KSR2: variants seen among roughly 807,000 people sequenced by gnomAD.
KSR2 encodes kinase suppressor of ras 2.
A neutral mutation model predicts 107.8 loss-of-function variants in KSR2; 25 were observed. That is an observed-to-expected ratio of 0.23 (90% CI 0.17 to 0.32). The LOEUF (loss-of-function observed/expected upper bound fraction) is 0.32. KSR2 is among the 10% of genes least tolerant of loss of function. The probability of loss-of-function intolerance (pLI) is 1.00; values close to 1 mark genes in which losing one functional copy is unlikely to be tolerated. For missense variants in KSR2, 887 were observed against 1,268.9 expected, an observed-to-expected ratio of 0.70 and a Z score of 4.57; for synonymous variants, 480 against 507.0, an observed-to-expected ratio of 0.95 and a Z score of 0.71.
At chr12:117,611,323 T>C (rs977399029) in intron 5 of KSR2, among the ~76,000 whole-genome samples, 1 of 152,102 alleles carries the variant, frequency 6.6e-6, no homozygotes, top group Non-Finnish European at 1.5e-5. Flanking sequence ...AAAGTCACAC[T>C]GGGTGTGGCA....
At chr12:117,483,156 T>C (rs2137138137) in intron 16 of KSR2, among the ~76,000 whole-genome samples, 1 of 152,308 alleles carries the variant, frequency 6.6e-6, no homozygotes, top group Non-Finnish European at 1.5e-5. Context: ...CTGCCTTATC[T>C]TAGGGACTAC....
intron 4 of KSR2, among the ~76,000 whole-genome samples, chr12:117,702,141 C>A (rs576049275): frequency 3.3e-5 from 5 of 152,300 alleles, no homozygotes; most frequent in African/African-American, 1.2e-4. Flanking sequence ...GTCTGCTCCC[C>A]AGTAGTTTCT....
intron 5 of KSR2, among the ~76,000 whole-genome samples, chr12:117,641,088 G>T (rs1387445963): frequency 6.6e-6 from 1 of 151,952 alleles, no homozygotes; most frequent in Non-Finnish European, 1.5e-5. Context: ...AAGCTGTAAG[G>T]TTTTTTTGTT....
chr12:117,832,504 T>A (rs1388353282), intron 3 of KSR2, among the ~76,000 whole-genome samples: 1 of 152,206 alleles, frequency 6.6e-6, no homozygotes, highest in Non-Finnish European at 1.5e-5. Context: ...TGCAAGCTTT[T>A]ATCTGCATCA....
rs1388814468 is a variant in KSR2, at chr12:117,534,976, G to A, written c.1688-3269C>T. On this transcript the variant is annotated intron_variant, in intron 10 of 19. Coordinates refer to ENST00000339824, the MANE Select transcript of KSR2 (RefSeq NM_173598.6). ...CTCGGTTTTTAGCCCAATGAAGCCC[G>A]TTTTGGACATCTGGCCTCTAGAACC... is the stretch of plus-strand genomic sequence containing the variant. 3.3e-5 allele frequency among the ~76,000 whole-genome samples: 5 copies of A among 152,248 alleles called. No homozygotes were observed. In the East Asian group the frequency reaches 5.8e-4, roughly 18 times the overall value.
intron 4 of KSR2, among the ~76,000 whole-genome samples, chr12:117,671,375 A>G (rs1421351556): frequency 6.6e-6 from 1 of 152,224 alleles, no homozygotes; most frequent in Non-Finnish European, 1.5e-5. Context: ...CGGCAGAGAG[A>G]CAGACAGATT....
chr12:117,648,174 A>C (rs1883736129), intron 5 of KSR2, among the ~76,000 whole-genome samples: 1 of 152,208 alleles, frequency 6.6e-6, no homozygotes, highest in Non-Finnish European at 1.5e-5. Flanking sequence ...TATTTTAAAA[A>C]TTTTGAGATT....
At chr12:117,511,724 A>G (rs1328544740) in intron 14 of KSR2, among the ~76,000 whole-genome samples, 4 of 152,222 alleles carry the variant, frequency 2.6e-5, no homozygotes, top group Admixed American at 6.5e-5. Flanking sequence ...GCCCTCTTTC[A>G]TATGAAAAAT....
At chr12:117,587,946 C>T (rs982189849) in intron 5 of KSR2, among the ~76,000 whole-genome samples, 1 of 152,210 alleles carries the variant, frequency 6.6e-6, no homozygotes, top group African/African-American at 2.4e-5. Flanking sequence ...CCTATCCCTG[C>T]ATCAATGCTC....
rs1488641662 is a variant in KSR2, at chr12:117,842,633, G to A, written c.472+12795C>T. 6.6e-6 allele frequency among the ~76,000 whole-genome samples: 1 copy of A among 152,168 alleles called. No homozygotes were observed. Among genetic ancestry groups the A allele is most frequent in the African/African-American group, 2.4e-5 (1 of 41,442 alleles). ...ACCCAATTCTTCTGCCCAGCACCTC[G>A]TGGATGCCAGGAATAAAAAGAGAAA... On this transcript the variant is annotated intron_variant, in intron 3 of 19. Transcript: ENST00000339824. The surrounding 1 kb of genome is among the most constrained non-coding windows in gnomAD (Gnocchi z 4.2).
chr12:117,664,302 G>A (rs371361039), intron 5 of KSR2, among the ~76,000 whole-genome samples: 24 of 152,256 alleles, frequency 1.6e-4, no homozygotes, highest in Non-Finnish European at 2.4e-4. Flanking sequence ...GTCCCCAGGC[G>A]TTACCATCAT....
intron 5 of KSR2, among the ~76,000 whole-genome samples, chr12:117,617,241 C>T (rs1881941624): frequency 6.6e-6 from 1 of 152,074 alleles, no homozygotes; most frequent in African/African-American, 2.4e-5. Context: ...CAGTATTTTC[C>T]ATCTTTCCCT....
In KSR2 at chr12:117,555,296, G is replaced by A. The variant is rs186598133; in HGVS notation, c.1394-3C>T. On this transcript the variant is annotated splice_polypyrimidine_tract_variant and splice_region_variant and intron_variant, in intron 8 of 19. Transcript: ENST00000339824. ...TGTCCGGACTAACCTTGCTGGATCC[G>A]TAGGGGTAAAAACATTGATTTGGGA... 31 of 1,613,650 alleles carry A rather than the reference G, an allele frequency of 1.9e-5. No individual in the cohort carries two copies. The highest frequency in any genetic ancestry group is 1.3e-4 in the Admixed American group (8 of 59,992).
intron 1 of KSR2, among the ~76,000 whole-genome samples, chr12:117,876,348 C>G (rs1893848954): frequency 6.6e-6 from 1 of 152,214 alleles, no homozygotes; most frequent in Non-Finnish European, 1.5e-5. Flanking sequence ...CTTCTCTCCC[C>G]AGCCCTGGAT....
intron 1 of KSR2, among the ~76,000 whole-genome samples, chr12:117,933,329 GC>G (rs1895746640): frequency 6.6e-6 from 1 of 152,180 alleles, no homozygotes; most frequent in Non-Finnish European, 1.5e-5. Flanking sequence ...GGTGGCTCAT[GC>G]CTGTAATCCC....
intron 4 of KSR2, among the ~76,000 whole-genome samples, chr12:117,745,916 T>C (rs1477699283): frequency 6.6e-6 from 1 of 152,050 alleles, no homozygotes; most frequent in African/African-American, 2.4e-5. Flanking sequence ...AAACCACTGC[T>C]CAAGGAAATA....
At chr12:117,937,095 G>A (rs1011559840) in intron 1 of KSR2, among the ~76,000 whole-genome samples, 1 of 152,238 alleles carries the variant, frequency 6.6e-6, no homozygotes, top group Non-Finnish European at 1.5e-5. Flanking sequence ...GCAACCGGCT[G>A]CAAGGAAATG....
At chr12:117,935,159 C>G (rs1895801995) in intron 1 of KSR2, among the ~76,000 whole-genome samples, 2 of 149,580 alleles carry the variant, frequency 1.3e-5, no homozygotes, top group South Asian at 2.1e-4. Context: ...CACACAGGGT[C>G]TTGTCTTGCT....
At chr12:117,930,641 C>T (rs1006197368) in intron 1 of KSR2, among the ~76,000 whole-genome samples, 8 of 152,108 alleles carry the variant, frequency 5.3e-5, no homozygotes, top group Admixed American at 1.3e-4. Context: ...GTAGGCTGGG[C>T]GCAGTGGCTC....
Sources: gnomAD v4.1 joint callset for allele counts (sites outside exome capture counted in the v4.1 genomes callset) on GRCh38, gnomAD v4.1.1 for gene constraint, Gnocchi (gnomAD v3.1) non-coding constraint, MANE v1.5 for transcripts, NCBI Gene and HGNC (gene_info 2026-07-23, HGNC 2026-07-21) for gene names.